Variants in STK33 observed in about 807,000 individuals in gnomAD.
The protein encoded by STK33 is serine/threonine-protein kinase 33.
A neutral mutation model predicts 58.0 loss-of-function variants in STK33; 52 were observed. The ratio of observed to expected loss-of-function variants is 0.90; its 90% CI spans 0.72 to 1.13. STK33 has a LOEUF of 1.13. Ranked by LOEUF, STK33 falls within the 50% of genes most tolerant of loss-of-function variation. The pLI is 0.00. For missense variants in STK33, 630 were observed against 604.2 expected, an observed-to-expected ratio of 1.04 and a Z score of -0.45; for synonymous variants, 215 against 200.1, an observed-to-expected ratio of 1.07 and a Z score of -0.63.
chr11:8,416,384 C>T (rs1019871065), intron 14 of STK33, among the ~76,000 whole-genome samples: 1 of 152,082 alleles, frequency 6.6e-6, no homozygotes. Flanking sequence ...GTATTTCTAA[C>T]ATTCTAAATT....
intron 11 of STK33, among the ~76,000 whole-genome samples, chr11:8,445,126 T>C (rs953224203): frequency 6.6e-5 from 10 of 152,306 alleles, no homozygotes; most frequent in Admixed American, 5.9e-4. Flanking sequence ...CATTCCTAGG[T>C]ATTTTATTCT....
chr11:8,569,032 T>A (rs1400938386), intron 1 of STK33, among the ~76,000 whole-genome samples: 2 of 152,156 alleles, frequency 1.3e-5, no homozygotes, highest in Non-Finnish European at 2.9e-5. Flanking sequence ...TCCCAAGGAA[T>A]ATTATCTGGA....
At chr11:8,338,317 G>GA in the STK33 span, among the ~76,000 whole-genome samples, 2 of 152,180 alleles carry the variant, frequency 1.3e-5, no homozygotes, top group African/African-American at 4.8e-5. Context: ...CAGGCTCCCA[G>GA]AAAAAGGATC....
At chr11:8,365,100 T>C in the STK33 span, among the ~76,000 whole-genome samples, 4 of 152,178 alleles carry the variant, frequency 2.6e-5, no homozygotes, top group African/African-American at 9.6e-5. Flanking sequence ...ATTTTACAGA[T>C]AGAAGGAAAG....
At chr11:8,480,708 T>G (rs190987944) in intron 1 of STK33, 94 bp from the exon 2 acceptor site, 1 of 152,336 alleles carries the variant, frequency 6.6e-6, no homozygotes, top group East Asian at 1.9e-4. Context: ...AGAATAGGTC[T>G]AAGAGCGAGC....
At chr11:8,389,756 A>T (rs982988553), downstream of STK33, among the ~76,000 whole-genome samples, 13 of 152,278 alleles carry the variant, frequency 8.5e-5, no homozygotes, top group Admixed American at 4.6e-4. Context: ...TAAGCACAAG[A>T]TGTTTTGATT....
intron 1 of STK33, among the ~76,000 whole-genome samples, chr11:8,527,340 G>A (rs901781495): frequency 6.6e-6 from 1 of 152,272 alleles, no homozygotes; most frequent in African/African-American, 2.4e-5. Flanking sequence ...CAGGGCTTCT[G>A]GCATGTTGAC....
At chr11:8,402,505 A>G (rs1307796731) in intron 15 of STK33, among the ~76,000 whole-genome samples, 4 of 152,112 alleles carry the variant, frequency 2.6e-5, no homozygotes, top group Admixed American at 6.6e-5. Context: ...TAGGAGATAC[A>G]CCTAATGTTA....
At chr11:8,565,402 C>T (rs1337351148) in intron 1 of STK33, among the ~76,000 whole-genome samples, 1 of 152,130 alleles carries the variant, frequency 6.6e-6, no homozygotes, top group Non-Finnish European at 1.5e-5. Context: ...CTCTACATTG[C>T]AGGCAGCATA....
intron 1 of STK33, among the ~76,000 whole-genome samples, chr11:8,547,748 G>A (rs947041775): frequency 9.9e-5 from 15 of 151,888 alleles, no homozygotes; most frequent in African/African-American, 2.9e-4. Context: ...GTCTATTTTC[G>A]CTTTTGTTGC....
chr11:8,560,316 T>C (rs1591798176), intron 1 of STK33, among the ~76,000 whole-genome samples: 2 of 152,176 alleles, frequency 1.3e-5, no homozygotes, highest in African/African-American at 2.4e-5. Context: ...AAAAATAGCA[T>C]CTTATTTTAA....
Position 8,435,501 on chromosome 11 carries a change from CA to C in STK33, c.1138del (p.Trp380GlyfsTer2), listed in dbSNP as rs1311322927. On this transcript the variant is annotated frameshift_variant, in exon 14 of 16. Transcript: ENST00000687296. LOFTEE classifies it high-confidence loss of function. ...AGTAATATTGTAACTTACTGTTAAC[CA>C]CTGGTTATCTAGTAGTTCCTTAGCT... ...ITAKELLDNQ[W>X]LTGNKLSSVR... is the part of the protein sequence containing the mutation. 1 of 1,445,812 alleles carries C rather than the reference CA, an allele frequency of 6.9e-7. No homozygotes were observed. The highest frequency in any genetic ancestry group is 9.2e-7 in the Non-Finnish European group (1 of 1,082,168). The allele number at this position is 1,445,812 out of a possible 1,614,324, so 89.6% of individuals were successfully genotyped here.
chr11:8,524,914 G>T (rs370863328), intron 1 of STK33, among the ~76,000 whole-genome samples: 3 of 152,008 alleles, frequency 2.0e-5, no homozygotes, highest in African/African-American at 7.2e-5. Flanking sequence ...TATGTTTATA[G>T]CATACACTGC....
chr11:8,453,550 G>A (rs1244578373), intron 10 of STK33, among the ~76,000 whole-genome samples: 1 of 152,180 alleles, frequency 6.6e-6, no homozygotes, highest in Non-Finnish European at 1.5e-5. Context: ...ATACACTGGT[G>A]GCCTAGTGCC....
At chr11:8,542,318 A>G (rs553308551) in intron 1 of STK33, among the ~76,000 whole-genome samples, 2 of 152,392 alleles carry the variant, frequency 1.3e-5, no homozygotes, top group East Asian at 3.8e-4. Context: ...AAATACTGAC[A>G]GACAAAAATC....
chr11:8,440,274 C>T (rs943004341), intron 12 of STK33, among the ~76,000 whole-genome samples: 5 of 152,118 alleles, frequency 3.3e-5, no homozygotes, highest in Non-Finnish European at 7.3e-5. Context: ...TTAGTGCCCA[C>T]TCCCACCTAT....
intron 15 of STK33, among the ~76,000 whole-genome samples, chr11:8,397,828 A>G (rs1306983589): frequency 7.9e-6 from 1 of 127,078 alleles, no homozygotes; most frequent in Non-Finnish European, 1.7e-5. Flanking sequence ...AAGCCTCAGT[A>G]GCCGATTCGA....
chr11:8,439,704 G>A (rs763040077), intron 12 of STK33, among the ~76,000 whole-genome samples: 9 of 151,652 alleles, frequency 5.9e-5, no homozygotes, highest in Non-Finnish European at 1.2e-4. Flanking sequence ...CAGTGTAGGT[G>A]CACAGGAATA....
chr11:8,530,024 G>A (rs1296870565), intron 1 of STK33, among the ~76,000 whole-genome samples: 1 of 152,194 alleles, frequency 6.6e-6, no homozygotes, highest in African/African-American at 2.4e-5. Context: ...TGGCCCAGAT[G>A]AGCTGGTGCG....
Sources: allele counts gnomAD v4.1 joint callset (sites outside exome capture counted in the v4.1 genomes callset), GRCh38; gene constraint gnomAD v4.1.1; transcripts MANE v1.5; gene names NCBI Gene and HGNC (gene_info 2026-07-23, HGNC 2026-07-21).